CWC22: variants seen among roughly 807,000 people sequenced by gnomAD.
CWC22 encodes the protein pre-mRNA-splicing factor CWC22 homolog.
A neutral mutation model predicts 117.2 loss-of-function variants in CWC22; 53 were observed. The observed-to-expected ratio is 0.45, with a 90% confidence interval of 0.36 to 0.57. The LOEUF is 0.57. CWC22 is among the 20% of genes least tolerant of loss of function. The pLI is 0.00. For synonymous variants in CWC22, 360 were observed against 355.6 expected (o/e 1.01, Z -0.14); for missense variants, 980 against 1,068.8 (o/e 0.92, Z 1.16).
intron 4 of CWC22, among the ~76,000 whole-genome samples, chr2:179,982,292 C>T (rs746354268): frequency 6.6e-6 from 1 of 152,044 alleles, no homozygotes; most frequent in Non-Finnish European, 1.5e-5. Flanking sequence ...GTGTTAAGGT[C>T]AGAATGAGTA....
At position 179,944,888 on chromosome 2, in the gene CWC22, C is replaced by G. The variant is rs1247385699; in HGVS notation, c.*241G>C. On this transcript the variant is annotated 3_prime_UTR_variant, in exon 20 of 20. Transcript: ENST00000410053. ...ATCACTGAATCAATGAGCTTTTGAT[C>G]ATTTTATTCACAAAATATAAGCGAG... 3 of 342,156 alleles carry G rather than the reference C, an allele frequency of 8.8e-6. No individual in the cohort carries two copies. The East Asian group carries it at 1.4e-4, about 16-fold the overall frequency. 21.2% of individuals were successfully genotyped at this position (342,156 alleles called of 1,614,324 possible).
At chr2:179,957,576 C>T (rs983492095) in intron 14 of CWC22, among the ~76,000 whole-genome samples, 5 of 152,134 alleles carry the variant, frequency 3.3e-5, no homozygotes, top group Admixed American at 3.3e-4. Flanking sequence ...CCGCAGGCTG[C>T]CAACCTCTGT....
intron 4 of CWC22, among the ~76,000 whole-genome samples, chr2:179,982,227 G>A (rs1687304039): frequency 6.6e-6 from 1 of 152,164 alleles, no homozygotes; most frequent in Admixed American, 6.5e-5. Flanking sequence ...GGAGACGAAG[G>A]ATGACATTTT....
At position 179,981,763 on chromosome 2, in the gene CWC22, T is replaced by C; in HGVS notation, c.441A>G (p.Thr147=). The change falls in exon 5 of 20, where the codon ACA becomes ACG. Residue 147 remains threonine, a synonymous_variant. Coordinates refer to ENST00000410053, the MANE Select transcript of CWC22 (RefSeq NM_020943.3). ...AKLRMMQEQI[T]DKNSLAYQRM... ...TGATATAAACATGCCTGTTTTTATC[T>C]GTAATCTGTTCCTGCATCATCCTGA... is the stretch of plus-strand genomic sequence containing the variant. 2 of 1,613,316 alleles carry C rather than the reference T, an allele frequency of 1.2e-6. No homozygotes were observed. Among genetic ancestry groups the C allele is most frequent in the Non-Finnish European group, 1.7e-6 (2 of 1,179,418 alleles).
chr2:179,979,554 G>A (rs1687235946), intron 5 of CWC22, among the ~76,000 whole-genome samples: 1 of 152,146 alleles, frequency 6.6e-6, no homozygotes, highest in Non-Finnish European at 1.5e-5. Context: ...AGTGGTACAA[G>A]GAAGGTTGGT....
rs188001622 is a variant in CWC22, at chr2:179,986,221, A to G, written c.206+474T>C. ...TCTAAAGCTCAAGTAAGAATCCTTC[A>G]CATGTAGAAAAAAACTACAAATTGG... On this transcript the variant is annotated intron_variant, in intron 4 of 19. Transcript: ENST00000410053. Among the ~76,000 whole-genome samples the G allele has an allele frequency of 2.0e-3, 311 of 152,268 alleles. 2 individuals carry two copies. The highest frequency in any genetic ancestry group is 7.0e-3 in the African/African-American group (291 of 41,572).
At chr2:180,003,947 C>G (rs536868395) in intron 1 of CWC22, among the ~76,000 whole-genome samples, 26 of 152,218 alleles carry the variant, frequency 1.7e-4, no homozygotes, top group Admixed American at 2.0e-4. Flanking sequence ...ATTCAAATGT[C>G]TCTTCCAATG....
At chr2:179,957,043 T>C (rs1207980802) in intron 14 of CWC22, among the ~76,000 whole-genome samples, 1 of 152,160 alleles carries the variant, frequency 6.6e-6, no homozygotes, top group Non-Finnish European at 1.5e-5. Context: ...TTTCCAAATA[T>C]TATCAAAATA....
chr2:179,996,439 G>A (rs1687700827), intron 1 of CWC22, among the ~76,000 whole-genome samples: 1 of 152,070 alleles, frequency 6.6e-6, no homozygotes, highest in African/African-American at 2.4e-5. Context: ...ACAGTAGAAT[G>A]GTTAATAGTT....
At chr2:179,974,517 A>G (rs890799967) in intron 6 of CWC22, among the ~76,000 whole-genome samples, 4 of 152,212 alleles carry the variant, frequency 2.6e-5, no homozygotes, top group Non-Finnish European at 4.4e-5. Flanking sequence ...AAAAGTCAGG[A>G]AAAAAAGTCT....
intron 14 of CWC22, among the ~76,000 whole-genome samples, chr2:179,958,225 G>T (rs1686647834): frequency 6.6e-6 from 1 of 151,512 alleles, no homozygotes; most frequent in South Asian, 2.1e-4. Flanking sequence ...CAGCTACTAG[G>T]GAGGTTGAGG....
At chr2:179,958,473 C>G (rs970469306) in intron 14 of CWC22, among the ~76,000 whole-genome samples, 16 of 151,930 alleles carry the variant, frequency 1.1e-4, no homozygotes, top group African/African-American at 3.4e-4. Flanking sequence ...CTGTGGCCAA[C>G]AGGCTGCATG....
At chr2:179,953,441 T>C (rs1686505536) in intron 16 of CWC22, among the ~76,000 whole-genome samples, 1 of 152,094 alleles carries the variant, frequency 6.6e-6, no homozygotes, top group Admixed American at 6.6e-5. Flanking sequence ...ATTTTGCTTT[T>C]CTTAGAATCT....
At chr2:180,005,906 G>A (rs1004513117) in intron 1 of CWC22, among the ~76,000 whole-genome samples, 1 of 152,134 alleles carries the variant, frequency 6.6e-6, no homozygotes, top group South Asian at 2.1e-4. Flanking sequence ...AGAAATCTTT[G>A]GTCTACTAGT....
At chr2:179,967,298 T>C (rs1000477815) in intron 11 of CWC22, among the ~76,000 whole-genome samples, 1 of 152,220 alleles carries the variant, frequency 6.6e-6, no homozygotes, top group Non-Finnish European at 1.5e-5. Context: ...ATTTACATCA[T>C]CCTCTTCTCA....
intron 12 of CWC22, among the ~76,000 whole-genome samples, chr2:179,965,242 T>G (rs551643792): frequency 6.6e-6 from 1 of 152,296 alleles, no homozygotes; most frequent in Non-Finnish European, 1.5e-5. Flanking sequence ...TAAGACAGAG[T>G]ATTTATTATG....
chr2:179,952,450 A>G, intron 17 of CWC22, 21 bp downstream of exon 17: 1 of 1,544,342 alleles, frequency 6.5e-7, no homozygotes, highest in Non-Finnish European at 8.7e-7. Context: ...AAGAATAAAA[A>G]GTGCTTAATG....
rs1438663122 is a variant in CWC22 at position 179,946,473 on chromosome 2, G to GT, written c.2141-759_2141-758insA. 1.6e-3 allele frequency among the ~76,000 whole-genome samples: 218 copies of GT among 136,256 alleles called. 2 individuals are homozygous for GT. Among genetic ancestry groups the GT allele is most frequent in the African/African-American group, 5.3e-3 (199 of 37,346 alleles). The allele number at this position is 136,256 out of a possible 152,430, so 89.4% of individuals were successfully genotyped here. A position where few individuals can be genotyped will look rare whatever the true frequency, so the allele number is the denominator to read the frequency against. ...CCAAAAAAAAAAAAAAAGGGGGGGG[G>GT]GGAAGGGGAGGGGAGGGAGGAAGGG... On this transcript the variant is annotated intron_variant, in intron 19 of 19. Transcript: ENST00000410053.
chr2:179,999,154 T>G (rs1687783986), intron 1 of CWC22, among the ~76,000 whole-genome samples: 1 of 152,164 alleles, frequency 6.6e-6, no homozygotes, highest in Non-Finnish European at 1.5e-5. Context: ...AATAAAGTAT[T>G]GTCATTGTCC....
Sources: gnomAD v4.1 joint callset for allele counts (sites outside exome capture counted in the v4.1 genomes callset) on GRCh38, gnomAD v4.1.1 for gene constraint, MANE v1.5 for transcripts, NCBI Gene and HGNC (gene_info 2026-07-23, HGNC 2026-07-21) for gene names.